Variants in RFX3 observed in about 807,000 individuals in gnomAD.
RFX3 encodes regulatory factor X3, also known as transcription factor RFX3.
In RFX3, 14 loss-of-function variants were observed where a neutral mutation model predicts 98.6. The ratio of observed to expected loss-of-function variants is 0.14; its 90% CI spans 0.09 to 0.22. The LOEUF (loss-of-function observed/expected upper bound fraction) is 0.22, where lower values mean the gene tolerates loss of function less well. Ranked by LOEUF, RFX3 falls within the 10% of genes least tolerant of loss-of-function variation. The pLI is 1.00. For synonymous variants in RFX3, 383 were observed against 328.4 expected, an observed-to-expected ratio of 1.17 and a Z score of -1.80; for missense variants, 639 against 926.9, an observed-to-expected ratio of 0.69 and a Z score of 4.03.
chr9:3,345,802 C>G (rs1834384003), intron 3 of RFX3, among the ~76,000 whole-genome samples: 1 of 151,856 alleles, frequency 6.6e-6, no homozygotes, highest in African/African-American at 2.4e-5. Flanking sequence ...TGAATAAAAA[C>G]AAAAAAAGTC....
chr9:3,282,549 C>G (rs998480444), intron 7 of RFX3, among the ~76,000 whole-genome samples: 2 of 151,588 alleles, frequency 1.3e-5, no homozygotes, highest in Non-Finnish European at 3.0e-5. Context: ...TAGAGAGCAC[C>G]GACAATGTGC....
At chr9:3,282,003 G>C (rs1039602061) in intron 7 of RFX3, among the ~76,000 whole-genome samples, 1 of 151,752 alleles carries the variant, frequency 6.6e-6, no homozygotes, top group Admixed American at 6.6e-5. Context: ...AAACTGTATA[G>C]GCAAAAGGAG....
intron 1 of RFX3, among the ~76,000 whole-genome samples, chr9:3,498,547 T>C (rs1287578894): frequency 1.3e-5 from 2 of 152,078 alleles, no homozygotes; most frequent in African/African-American, 4.8e-5. Context: ...ATAAACTGTT[T>C]AAAAATACTT....
intron 1 of RFX3, among the ~76,000 whole-genome samples, chr9:3,486,261 G>C (rs1007822319): frequency 2.0e-5 from 3 of 151,702 alleles, no homozygotes; most frequent in African/African-American, 7.3e-5. Context: ...CCAGAGCCCA[G>C]TGAACTTTTA....
intron 1 of RFX3, among the ~76,000 whole-genome samples, chr9:3,525,064 G>C (rs1235855201): frequency 6.6e-6 from 1 of 151,590 alleles, no homozygotes; most frequent in Non-Finnish European, 1.5e-5. Context: ...AGAAAATACA[G>C]TTTTAAAAAG....
chr9:3,463,334 C>T (rs1847884835), intron 1 of RFX3, among the ~76,000 whole-genome samples: 2 of 151,992 alleles, frequency 1.3e-5, no homozygotes, highest in South Asian at 2.1e-4. Context: ...TGGAAAGATA[C>T]AACACCTCAT....
chr9:3,338,714 A>G (rs1833502331), intron 3 of RFX3, among the ~76,000 whole-genome samples: 2 of 152,200 alleles, frequency 1.3e-5, no homozygotes, highest in South Asian at 2.1e-4. Context: ...CCTGGGGAAT[A>G]CACTTTGGGA....
At chr9:3,489,297 C>G in intron 1 of RFX3, 1 of 236,376 alleles carries the variant, frequency 4.2e-6, no homozygotes, top group Non-Finnish European at 6.9e-6. Context: ...TACAAGTACT[C>G]ACAGACACTA....
chr9:3,358,337 T>C (rs995317341), intron 2 of RFX3, among the ~76,000 whole-genome samples: 1 of 152,106 alleles, frequency 6.6e-6, no homozygotes, highest in Non-Finnish European at 1.5e-5. Context: ...TTAGATCCCA[T>C]TTGGTTTCAG....
chr9:3,459,476 G>A (rs143555992), intron 1 of RFX3, among the ~76,000 whole-genome samples: 187 of 152,180 alleles, frequency 1.2e-3, no homozygotes, highest in African/African-American at 4.0e-3. Flanking sequence ...TAAAATTGGC[G>A]CAGTTACTGG....
At chr9:3,455,620 T>C (rs1476985897) in intron 1 of RFX3, among the ~76,000 whole-genome samples, 1 of 152,202 alleles carries the variant, frequency 6.6e-6, no homozygotes, top group Non-Finnish European at 1.5e-5. Flanking sequence ...TGCTAGTAAA[T>C]ACATGATTTA....
chr9:3,479,894 A>T (rs930549500), intron 1 of RFX3, among the ~76,000 whole-genome samples: 3 of 152,186 alleles, frequency 2.0e-5, no homozygotes, highest in Non-Finnish European at 2.9e-5. Context: ...AGATTCACCC[A>T]AGTATAGGCC....
intron 15 of RFX3, among the ~76,000 whole-genome samples, chr9:3,243,187 A>G (rs1820191898): frequency 1.3e-5 from 2 of 151,924 alleles, no homozygotes; most frequent in African/African-American, 4.8e-5. Context: ...AACAGATGCA[A>G]CTCATTTATT....
At chr9:3,442,181 C>A (rs952678826) in intron 1 of RFX3, among the ~76,000 whole-genome samples, 3 of 151,966 alleles carry the variant, frequency 2.0e-5, no homozygotes, top group African/African-American at 7.3e-5. Flanking sequence ...GCCTGGGCAA[C>A]AAGAGCAAGA....
chr9:3,237,903 G>A (rs773586174), intron 15 of RFX3, among the ~76,000 whole-genome samples: 8 of 151,524 alleles, frequency 5.3e-5, no homozygotes, highest in Admixed American at 2.0e-4. Flanking sequence ...AGCCCATGAG[G>A]TCAAGGCTGC....
Position 3,379,283 on chromosome 9 carries a change from C to G in RFX3, c.117+16189G>C, listed in dbSNP as rs370572699. 1.1e-4 allele frequency among the ~76,000 whole-genome samples: 16 copies of G among 152,284 alleles called. No homozygotes were observed. In the East Asian group the frequency reaches 2.3e-3, roughly 22 times the overall value. ...GGAGAGTGCATAAAGGAAAGTTAAT[C>G]TAGATAGGACAATCAAGAAGGCTTC... On this transcript the variant is annotated intron_variant, in intron 2 of 16. Transcript: ENST00000617270.
At chr9:3,465,861 A>G (rs1360090598) in intron 1 of RFX3, among the ~76,000 whole-genome samples, 2 of 152,144 alleles carry the variant, frequency 1.3e-5, no homozygotes, top group Non-Finnish European at 2.9e-5. Flanking sequence ...GGGGAACTTG[A>G]CTATTCCTAA....
rs576295503 is a variant in RFX3 at position 3,374,088 on chromosome 9, G to A, written c.117+21384C>T. ...GTGAGACTCTGTCTCACACACACACGCGCGCACACACACACACACACACAC... is the reference window on the plus strand; with the variant it reads ...GTGAGACTCTGTCTCACACACACACACGCGCACACACACACACACACACAC... On this transcript the variant is annotated intron_variant, in intron 2 of 16. Coordinates refer to ENST00000617270, the MANE Select transcript of RFX3 (RefSeq NM_001282116.2). Among the ~76,000 whole-genome samples, 396 of 143,542 alleles carry A rather than the reference G, an allele frequency of 2.8e-3. 1 individual carries two copies. Among genetic ancestry groups the A allele is most frequent in the African/African-American group, 0.01 (355 of 35,194 alleles). The allele number at this position is 143,542 out of a possible 152,430, so 94.2% of individuals were successfully genotyped here. A position where few individuals can be genotyped will look rare whatever the true frequency, so the allele number is the denominator to read the frequency against.
chr9:3,404,066 T>C (rs889229046), intron 1 of RFX3, among the ~76,000 whole-genome samples: 1 of 152,170 alleles, frequency 6.6e-6, no homozygotes, highest in African/African-American at 2.4e-5. Context: ...AGGAAAATAA[T>C]ACTGTATAAT....
Sources: gnomAD v4.1 joint callset for allele counts (sites outside exome capture counted in the v4.1 genomes callset) on GRCh38, gnomAD v4.1.1 for gene constraint, MANE v1.5 for transcripts, NCBI Gene and HGNC (gene_info 2026-07-23, HGNC 2026-07-21) for gene names.